Variants in ASIC4 observed in about 807,000 individuals in gnomAD.
ASIC4 encodes the protein acid-sensing ion channel 4.
A neutral mutation model predicts 53.4 loss-of-function variants in ASIC4; 28 were observed. The observed-to-expected ratio is 0.52, with a 90% CI of 0.39 to 0.72. ASIC4 has a LOEUF of 0.72. Ranked by LOEUF, ASIC4 falls within the 30% of genes least tolerant of loss-of-function variation. The pLI, the probability that ASIC4 is intolerant of heterozygous loss-of-function variation, is 0.00. For synonymous variants in ASIC4, 289 were observed against 301.4 expected (o/e 0.96, Z 0.43); for missense variants, 649 against 729.7 (o/e 0.89, Z 1.27).
Position 219,523,241 on chromosome 2 carries a change from A to G in ASIC4, c.582+7935A>G, listed in dbSNP as rs145744811. On this transcript the variant is annotated intron_variant, in intron 1 of 9. Transcript: ENST00000358078. ...TTCACCAATTAAAAACTGACTTTCT[A>G]GGGTGTAAGGCCTAAGCGGTCGCTG... Among the ~76,000 whole-genome samples the G allele has an allele frequency of 6.5e-3, 996 of 152,340 alleles. 6 individuals are homozygous for G. Among genetic ancestry groups the G allele is most frequent in the African/African-American group, 9.3e-3 (385 of 41,586 alleles).
chr2:219,514,049 T>G (rs538294357), upstream of ASIC4: 6 of 388,360 alleles, frequency 1.5e-5, no homozygotes, highest in Admixed American at 4.3e-5. Flanking sequence ...GGCCAGGAGG[T>G]GGGGGGATAG....
rs972513697 is a variant in ASIC4, at chr2:219,525,707, G to A, written c.583-6051G>A. The stretch of plus-strand genomic sequence containing the variant: ...TGAACCTGGATACTGGGCCACCCCT[G>A]AATAAAGCTAGGCCCTGGGAGCTGT... On this transcript the variant is annotated intron_variant, in intron 1 of 9. Coordinates refer to ENST00000358078, the MANE Select transcript of ASIC4 (RefSeq NM_018674.6). 2.6e-5 allele frequency among the ~76,000 whole-genome samples: 4 copies of A among 152,198 alleles called. 1 individual carries two copies. The East Asian group carries it at 7.7e-4, about 29-fold the overall frequency.
intron 6 of ASIC4, among the ~76,000 whole-genome samples, chr2:219,535,549 AGTGTGTGAT>A (rs1695123071): frequency 1.1e-5 from 1 of 94,150 alleles, no homozygotes; most frequent in South Asian, 2.6e-4. Context: ...TGGGTGTGTG[AGTGTGTGAT>A]GTGTGTGTGC....
chr2:219,515,633 G>A (rs945523498), intron 1 of ASIC4, among the ~76,000 whole-genome samples: 2 of 152,222 alleles, frequency 1.3e-5, no homozygotes, highest in South Asian at 2.1e-4. Context: ...TGCAGGGAAC[G>A]CACGCACCAT....
In ASIC4 at chr2:219,537,574, C is replaced by G; in HGVS notation, c.1402-58C>G. Reference sequence around the variant, plus strand: ...GGGCAGCTGGGCATGGTAAGGCTCACGCTTCTCCTCAACCAAATTTCCTGA... The same window carrying G: ...GGGCAGCTGGGCATGGTAAGGCTCAGGCTTCTCCTCAACCAAATTTCCTGA... On this transcript the variant is annotated intron_variant, in intron 8 of 9. Coordinates refer to ENST00000358078, the MANE Select transcript of ASIC4 (RefSeq NM_018674.6). This position sits in a 1 kb window ranked among gnomAD's most constrained non-coding sequence, Gnocchi z 4.9. The G allele has an allele frequency of 6.8e-7, 1 of 1,475,420 alleles. No individual in the cohort carries two copies. The highest frequency in any genetic ancestry group is 9.3e-7 in the Non-Finnish European group (1 of 1,077,120). The allele number at this position is 1,475,420 out of a possible 1,614,324, so 91.4% of individuals were successfully genotyped here.
At chr2:219,515,507 A>C (rs1574486237) in intron 1 of ASIC4, among the ~76,000 whole-genome samples, 1 of 152,180 alleles carries the variant, frequency 6.6e-6, no homozygotes, top group South Asian at 2.1e-4. Flanking sequence ...ATAGGGGCTT[A>C]CCCTGGGGCG....
In ASIC4 at chr2:219,537,718, T is replaced by C. The variant is rs1258652476; in HGVS notation, c.1488T>C (p.Leu496=). The stretch of plus-strand genomic sequence containing the variant: ...CTGGGGGCATCTCCACTTTGGGGCT[T>C]CAGGAGCTGAAGGAACAGGTGAGGA... ...TSTGGISTLG[L]QELKEQSPCP... is the part of the protein sequence containing the mutation. The change falls in exon 9 of 10, where the codon CTT becomes CTC. Residue 496 remains leucine (L), a synonymous_variant. Coordinates refer to ENST00000358078, the MANE Select transcript of ASIC4 (RefSeq NM_018674.6). The surrounding 1 kb of genome is among the most constrained non-coding windows in gnomAD (Gnocchi z 4.9). The C allele has an allele frequency of 6.2e-7, 1 of 1,613,652 alleles. No individual in the cohort carries two copies. Among genetic ancestry groups the C allele is most frequent in the Non-Finnish European group, 8.5e-7 (1 of 1,179,864 alleles).
At chr2:219,512,793 T>C (rs1694718579), upstream of ASIC4, among the ~76,000 whole-genome samples, 2 of 152,258 alleles carry the variant, frequency 1.3e-5, no homozygotes, top group South Asian at 4.1e-4. Context: ...CATTGGAGGC[T>C]TGTGGGGAAG....
intron 1 of ASIC4, among the ~76,000 whole-genome samples, chr2:219,524,011 C>T (rs1008471777): frequency 6.6e-6 from 1 of 151,972 alleles, no homozygotes; most frequent in Non-Finnish European, 1.5e-5. Flanking sequence ...TTTGTAGAGA[C>T]GAGGTCTCGC....
At chr2:219,523,937 C>T (rs1346336249) in intron 1 of ASIC4, among the ~76,000 whole-genome samples, 2 of 152,146 alleles carry the variant, frequency 1.3e-5, no homozygotes, top group African/African-American at 2.4e-5. Flanking sequence ...GATCCTCCCA[C>T]CTCAGCCTCC....
chr2:219,537,972 G>T lies in ASIC4; in HGVS notation c.1546G>T (p.Val516Phe). The change falls in exon 10 of 10, where the codon GTC becomes TTC. Residue 516 changes from valine (V) to phenylalanine (F), a missense_variant. Physicochemically the swap from Val to Phe is conservative, Grantham distance 50 (BLOSUM62 -1). Coordinates refer to ENST00000358078, the MANE Select transcript of ASIC4 (RefSeq NM_018674.6). The surrounding 1 kb of genome is among the most constrained non-coding windows in gnomAD (Gnocchi z 4.9). ...PSRGRVEGGG[V>F]SSLLPNHHHP... ...CCGGGGCCGAGTGGAGGGTGGGGGG[G>T]TCAGCAGTCTGCTCCCCAATCACCA... is the stretch of plus-strand genomic sequence containing the variant. 2 of 1,612,652 alleles carry T rather than the reference G, an allele frequency of 1.2e-6. No individual in the cohort carries two copies. The highest frequency in any genetic ancestry group is 1.7e-6 in the Non-Finnish European group (2 of 1,179,522).
chr2:219,522,866 A>C (rs1694909814), intron 1 of ASIC4, among the ~76,000 whole-genome samples: 1 of 152,004 alleles, frequency 6.6e-6, no homozygotes, highest in East Asian at 1.9e-4. Flanking sequence ...CCCAGGGAGG[A>C]GAGCGGAGGA....
At chr2:219,509,939 C>A (rs1253445561), upstream of ASIC4, among the ~76,000 whole-genome samples, 2 of 152,086 alleles carry the variant, frequency 1.3e-5, no homozygotes, top group African/African-American at 4.8e-5. This position sits in a 1 kb window ranked among gnomAD's most constrained non-coding sequence, Gnocchi z 5.2. Flanking sequence ...CCCAAATCCG[C>A]CCGTTCTCGA....
At position 219,518,990 on chromosome 2, in the gene ASIC4, G is replaced by GC. The variant is rs1249034385; in HGVS notation, c.582+3690dup. ...GCGATCTCGGCTCACTACAGGCTCCGCCCCCCGGGGTTCATGCCATTCTCT... is the reference window on the plus strand; with the variant it reads ...GCGATCTCGGCTCACTACAGGCTCCGCCCCCCCGGGGTTCATGCCATTCTCT... On this transcript the variant is annotated intron_variant, in intron 1 of 9. Coordinates refer to ENST00000358078, the MANE Select transcript of ASIC4 (RefSeq NM_018674.6). The surrounding 1 kb of genome is among the most constrained non-coding windows in gnomAD (Gnocchi z 4.8). Among the ~76,000 whole-genome samples, 1 of 152,018 alleles carries GC rather than the reference G, an allele frequency of 6.6e-6. No individual in the cohort carries two copies. The highest frequency in any genetic ancestry group is 1.5e-5 in the Non-Finnish European group (1 of 67,996).
chr2:219,534,031 CAAAAAAAAAAAAAAA>C (rs71266343), intron 5 of ASIC4: 3 of 64,862 alleles, frequency 4.6e-5, no homozygotes, highest in East Asian at 1.3e-3. Context: ...TACCCTGTCT[CAAAAAAAAAAAAAAA>C]AAAAAAAAAA....
In ASIC4 at chr2:219,537,304, C is replaced by A; in HGVS notation, c.1384C>A (p.Leu462Ile). Reference sequence around the variant, plus strand: ...CAGCATCCTCACGTTGCTGGAGATCCTCGACTACATCTATGAGGCAAGGGC... The same window carrying A: ...CAGCATCCTCACGTTGCTGGAGATCATCGACTACATCTATGAGGCAAGGGC... ...GASILTLLEILDYIYEVSWDR... is the reference protein window; with the variant it reads ...GASILTLLEIIDYIYEVSWDR... The change falls in exon 8 of 10, where the codon CTC becomes ATC. Residue 462 changes from leucine to isoleucine, a missense_variant. Coordinates refer to ENST00000358078, the MANE Select transcript of ASIC4 (RefSeq NM_018674.6). This position sits in a 1 kb window ranked among gnomAD's most constrained non-coding sequence, Gnocchi z 4.9. The A allele has an allele frequency of 6.2e-7, 1 of 1,613,284 alleles. No individual in the cohort carries two copies. Among genetic ancestry groups the A allele is most frequent in the Non-Finnish European group, 8.5e-7 (1 of 1,179,746 alleles).
intron 1 of ASIC4, among the ~76,000 whole-genome samples, chr2:219,530,473 A>G (rs1306170721): frequency 1.3e-5 from 2 of 152,272 alleles, no homozygotes; most frequent in Non-Finnish European, 2.9e-5. Context: ...GACACCAGAC[A>G]GGCTCCTGCT....
intron 1 of ASIC4, among the ~76,000 whole-genome samples, chr2:219,523,118 G>C (rs1196345620): frequency 6.6e-6 from 1 of 152,168 alleles, no homozygotes; most frequent in African/African-American, 2.4e-5. Flanking sequence ...CTGAACTCCC[G>C]CCTGGCTGTG....
At chr2:219,512,335 A>C (rs1694712808), upstream of ASIC4, among the ~76,000 whole-genome samples, 1 of 152,146 alleles carries the variant, frequency 6.6e-6, no homozygotes, top group Non-Finnish European at 1.5e-5. Context: ...ATCTCAATAG[A>C]TGGTGGGTGA....
Sources: gnomAD v4.1 joint callset for allele counts (sites outside exome capture counted in the v4.1 genomes callset) on GRCh38, gnomAD v4.1.1 for gene constraint, Gnocchi (gnomAD v3.1) non-coding constraint, MANE v1.5 for transcripts, NCBI Gene and HGNC (gene_info 2026-07-23, HGNC 2026-07-21) for gene names.